Variants in SARNP observed in about 807,000 individuals in gnomAD.
SARNP encodes the protein SAP domain-containing ribonucleoprotein.
In SARNP, 5 loss-of-function variants were observed where a neutral mutation model predicts 38.1. The observed-to-expected ratio is 0.13, with a 90% CI of 0.07 to 0.28. The LOEUF (loss-of-function observed/expected upper bound fraction) is 0.28. Ranked by LOEUF, SARNP falls within the 10% of genes least tolerant of loss-of-function variation. The pLI is 1.00. For missense variants in SARNP, 180 were observed against 243.9 expected, an observed-to-expected ratio of 0.74 and a Z score of 1.75; for synonymous variants, 84 against 80.6, an observed-to-expected ratio of 1.04 and a Z score of -0.23.
At chr12:55,775,122 C>T (rs1879137141) in intron 9 of SARNP, among the ~76,000 whole-genome samples, 1 of 150,560 alleles carries the variant, frequency 6.6e-6, no homozygotes, top group Admixed American at 6.6e-5. Context: ...CTCCTGACCT[C>T]GTGATCCGCC....
intron 4 of SARNP, among the ~76,000 whole-genome samples, chr12:55,799,492 C>T (rs1879914838): frequency 6.6e-6 from 1 of 150,432 alleles, no homozygotes; most frequent in African/African-American, 2.4e-5. Context: ...CAGAGTGCTA[C>T]TTCAGAAACA....
chr12:55,800,190 CAA>C (rs11393903), intron 4 of SARNP, among the ~76,000 whole-genome samples: 1 of 139,546 alleles, frequency 7.2e-6, no homozygotes, highest in Admixed American at 7.2e-5. Flanking sequence ...GATCCTGTCT[CAA>C]AAAAAAAAAA....
intron 9 of SARNP, among the ~76,000 whole-genome samples, chr12:55,781,171 T>C (rs1250751001): frequency 2.0e-5 from 3 of 152,144 alleles, no homozygotes; most frequent in African/African-American, 7.2e-5. Flanking sequence ...TTAGCTACAA[T>C]GAAATCTGTA....
intron 9 of SARNP, among the ~76,000 whole-genome samples, chr12:55,784,318 C>T (rs1020452019): frequency 1.3e-5 from 2 of 152,114 alleles, no homozygotes; most frequent in Non-Finnish European, 2.9e-5. Context: ...CTGGCAGTTC[C>T]GTAAACACAA....
At chr12:55,810,609 T>G (rs1264454661) in intron 1 of SARNP, among the ~76,000 whole-genome samples, 1 of 151,908 alleles carries the variant, frequency 6.6e-6, no homozygotes, top group Non-Finnish European at 1.5e-5. Context: ...TGCACCACCA[T>G]GCCCAGCTAA....
chr12:55,779,604 T>C (rs1482503140), intron 9 of SARNP, among the ~76,000 whole-genome samples: 1 of 152,192 alleles, frequency 6.6e-6, no homozygotes, highest in Non-Finnish European at 1.5e-5. Context: ...ATCCTATGCA[T>C]GGCCCCATCA....
At chr12:55,763,322 T>C (rs1459194618) in intron 9 of SARNP, among the ~76,000 whole-genome samples, 1 of 151,820 alleles carries the variant, frequency 6.6e-6, no homozygotes, top group East Asian at 1.9e-4. Flanking sequence ...TTTTTTTTTT[T>C]TTCCCCAGAG....
chr12:55,783,126 T>C (rs577840960), intron 9 of SARNP, among the ~76,000 whole-genome samples: 22 of 151,962 alleles, frequency 1.4e-4, no homozygotes, highest in African/African-American at 3.4e-4. Context: ...ATAATAAAAA[T>C]GGTTTCCTAT....
chr12:55,763,329 A>G (rs1395447846), intron 9 of SARNP, among the ~76,000 whole-genome samples: 1 of 146,442 alleles, frequency 6.8e-6, no homozygotes, highest in African/African-American at 2.5e-5. Context: ...TTTTTTCCCC[A>G]GAGACAGAGT....
chr12:55,794,235 T>C, intron 7 of SARNP, 124 bp downstream of exon 7: 1 of 860,846 alleles, frequency 1.2e-6, no homozygotes, highest in Non-Finnish European at 1.9e-6. Context: ...GAGATGAATG[T>C]TACAATCTCT....
At chr12:55,783,680 T>C (rs558939380) in intron 9 of SARNP, among the ~76,000 whole-genome samples, 1 of 152,234 alleles carries the variant, frequency 6.6e-6, no homozygotes, top group Admixed American at 6.5e-5. Context: ...AACTGAAATA[T>C]ATAAATAGTC....
At chr12:55,807,336 C>T (rs954817962) in intron 1 of SARNP, among the ~76,000 whole-genome samples, 1 of 152,128 alleles carries the variant, frequency 6.6e-6, no homozygotes, top group Admixed American at 6.6e-5. Context: ...CTGTGAACCA[C>T]GCCTTAAGTA....
At chr12:55,810,168 A>G (rs973160552) in intron 1 of SARNP, among the ~76,000 whole-genome samples, 2 of 152,214 alleles carry the variant, frequency 1.3e-5, no homozygotes, top group Admixed American at 1.3e-4. Flanking sequence ...ACTGGAATGC[A>G]GCAGTGCAAT....
intron 4 of SARNP, 94 bp downstream of exon 4, chr12:55,800,468 G>A: frequency 3.4e-6 from 3 of 887,464 alleles, no homozygotes; most frequent in Non-Finnish European, 3.5e-6. Flanking sequence ...AAAGGCCAAT[G>A]GGAACATGTA....
At chr12:55,772,093 T>C (rs1054085495) in intron 9 of SARNP, among the ~76,000 whole-genome samples, 2 of 152,090 alleles carry the variant, frequency 1.3e-5, no homozygotes, top group African/African-American at 4.8e-5. Flanking sequence ...CGACAGAACA[T>C]AGGGTGGTCC....
intron 9 of SARNP, among the ~76,000 whole-genome samples, chr12:55,761,001 C>T (rs982054798): frequency 8.6e-5 from 13 of 151,780 alleles, no homozygotes; most frequent in African/African-American, 3.1e-4. Context: ...ATGATGAAAC[C>T]CCATTTCGAC....
chr12:55,760,850 G>A (rs1878652979), intron 9 of SARNP: 1 of 514,696 alleles, frequency 1.9e-6, no homozygotes, highest in South Asian at 3.1e-5. Flanking sequence ...ATTTTAGGCA[G>A]GGCCTCAATA....
Position 55,817,678 on chromosome 12 carries a change from G to C in SARNP, c.24C>G (p.Leu8=), listed in dbSNP as rs539265542. The C allele has an allele frequency of 1.1e-5, 17 of 1,612,808 alleles. 1 individual carries two copies. In the South Asian group the frequency reaches 1.5e-4, roughly 15 times the overall value. ...CGATTCACGGTACCTTTAGCTTATG[G>C]AGCTCCACCGTCTCGGTCGCCATCT... MATETVE[L]HKLKLAELKQ... The change falls in exon 1 of 11, where the codon CTC becomes CTG. Residue 8 remains leucine (L), a synonymous_variant. Coordinates refer to ENST00000336133, the MANE Select transcript of SARNP (RefSeq NM_033082.4).
At chr12:55,785,260 G>A (rs1879457354) in intron 9 of SARNP, among the ~76,000 whole-genome samples, 1 of 152,086 alleles carries the variant, frequency 6.6e-6, no homozygotes, top group Admixed American at 6.6e-5. Flanking sequence ...CCAGAGTTCT[G>A]CCAATTACCA....
Sources: allele counts gnomAD v4.1 joint callset (sites outside exome capture counted in the v4.1 genomes callset), GRCh38; gene constraint gnomAD v4.1.1; transcripts MANE v1.5; gene names NCBI Gene and HGNC (gene_info 2026-07-23, HGNC 2026-07-21).